The following EFCAB6 variants were observed in gnomAD, a reference collection of about 807,000 sequenced individuals.
The protein encoded by EFCAB6 is EF-hand calcium binding domain 6, also known as EF-hand calcium-binding domain-containing protein 6.
In EFCAB6, 156 loss-of-function variants were observed where a neutral mutation model predicts 169.8. That is an observed-to-expected ratio of 0.92 (90% confidence interval 0.81 to 1.05). EFCAB6 has a LOEUF of 1.05. EFCAB6 is among the 50% of genes least tolerant of loss of function. EFCAB6 has a pLI of 0.00. For missense variants in EFCAB6, 1,800 were observed against 1,829.1 expected, an observed-to-expected ratio of 0.98 and a Z score of 0.29; for synonymous variants, 698 against 676.4, an observed-to-expected ratio of 1.03 and a Z score of -0.50.
At position 43,572,847 on chromosome 22, in the gene EFCAB6, C is replaced by T. The variant is rs1457018775; in HGVS notation, c.3420+3450G>A. Among the ~76,000 whole-genome samples, 1 of 152,232 alleles carries T rather than the reference C, an allele frequency of 6.6e-6. No homozygotes were observed. The highest frequency in any genetic ancestry group is 2.4e-5 in the African/African-American group (1 of 41,454). On this transcript the variant is annotated intron_variant, in intron 26 of 31. Coordinates refer to ENST00000262726, the MANE Select transcript of EFCAB6 (RefSeq NM_022785.4). The surrounding 1 kb of genome is among the most constrained non-coding windows in gnomAD (Gnocchi z 4.0). ...TGCATTTGTTTACTTTGCTGCTAAACCTGGCACCCAGCTCAGCGCCTGGTA... is the reference window on the plus strand; with the variant it reads ...TGCATTTGTTTACTTTGCTGCTAAATCTGGCACCCAGCTCAGCGCCTGGTA...
At chr22:43,674,888 T>C (rs116802) in intron 13 of EFCAB6, among the ~76,000 whole-genome samples, 82,552 of 151,678 alleles carry the variant, frequency 0.54, 22,823 homozygotes, top group East Asian at 0.77. Flanking sequence ...CTACCCTGGC[T>C]GGCTGCTCAC....
At chr22:43,752,785 T>C (rs912303111) in intron 6 of EFCAB6, among the ~76,000 whole-genome samples, 2 of 152,170 alleles carry the variant, frequency 1.3e-5, no homozygotes, top group Admixed American at 6.5e-5. Context: ...CCTGACTTCT[T>C]GGGTGAGATA....
intron 7 of EFCAB6, among the ~76,000 whole-genome samples, chr22:43,733,713 C>T (rs541661437): frequency 8.5e-5 from 13 of 152,090 alleles, no homozygotes; most frequent in African/African-American, 3.1e-4. Flanking sequence ...TGCTCAGTCC[C>T]CCCTTTTTTT....
chr22:43,689,912 G>C (rs2058343288), intron 10 of EFCAB6, among the ~76,000 whole-genome samples: 1 of 152,132 alleles, frequency 6.6e-6, no homozygotes, highest in South Asian at 2.1e-4. Flanking sequence ...GACAAACCTG[G>C]AAAAGCAAGA....
intron 2 of EFCAB6, among the ~76,000 whole-genome samples, chr22:43,796,578 G>GA (rs2062516869): frequency 6.6e-6 from 1 of 151,984 alleles, no homozygotes; most frequent in African/African-American, 2.4e-5. Flanking sequence ...CGGCAACCGA[G>GA]AAAAAACAAG....
chr22:43,704,305 C>A (rs959195310), intron 10 of EFCAB6, among the ~76,000 whole-genome samples: 1 of 152,014 alleles, frequency 6.6e-6, no homozygotes, highest in Non-Finnish European at 1.5e-5. Flanking sequence ...TAAAAACTCT[C>A]CCAGACATAC....
At chr22:43,729,172 G>T (rs114892263) in intron 8 of EFCAB6, among the ~76,000 whole-genome samples, 1 of 152,150 alleles carries the variant, frequency 6.6e-6, no homozygotes, top group Non-Finnish European at 1.5e-5. Context: ...CATTACCATG[G>T]GGAGGGCACC....
chr22:43,621,562 C>T (rs906993988), intron 20 of EFCAB6, among the ~76,000 whole-genome samples: 3 of 151,884 alleles, frequency 2.0e-5, no homozygotes, highest in Non-Finnish European at 2.9e-5. Context: ...TCAGTGCCTA[C>T]GGGGAAATAC....
intron 2 of EFCAB6, among the ~76,000 whole-genome samples, chr22:43,783,142 A>C (rs1245008558): frequency 1.3e-5 from 2 of 152,220 alleles, no homozygotes; most frequent in African/African-American, 4.8e-5. Context: ...ATTTGAACTC[A>C]GAGTTCACTC....
chr22:43,587,591 T>C (rs542595411), intron 24 of EFCAB6, among the ~76,000 whole-genome samples: 11 of 152,214 alleles, frequency 7.2e-5, no homozygotes, highest in African/African-American at 2.4e-4. Flanking sequence ...TCTCTTTGTC[T>C]GTGTCAAATC....
rs1193976409 is a variant in EFCAB6 at position 43,537,979 on chromosome 22, C to T, written c.3880-434G>A. Among the ~76,000 whole-genome samples the T allele has an allele frequency of 1.3e-5, 2 of 152,200 alleles. No individual in the cohort carries two copies. The highest frequency in any genetic ancestry group is 2.9e-5 in the Non-Finnish European group (2 of 68,034). On this transcript the variant is annotated intron_variant, in intron 28 of 31. Transcript: ENST00000262726. This position sits in a 1 kb window ranked among gnomAD's most constrained non-coding sequence, Gnocchi z 4.3. ...TCTGTTATTTAGACATTATGTGGAT[C>T]AAGTACGAGGCTGTTCTTTGCTTTA...
At chr22:43,644,119 T>C (rs1218919127) in intron 17 of EFCAB6, among the ~76,000 whole-genome samples, 2 of 151,950 alleles carry the variant, frequency 1.3e-5, no homozygotes, top group Non-Finnish European at 2.9e-5. Flanking sequence ...TGCGTGCGGG[T>C]TGACTGGGCT....
At chr22:43,545,972 A>C (rs1456170957) in intron 27 of EFCAB6, among the ~76,000 whole-genome samples, 1 of 146,116 alleles carries the variant, frequency 6.8e-6, no homozygotes, top group African/African-American at 2.8e-5. Flanking sequence ...AGTCACCATA[A>C]ACATGAGTTG....
At chr22:43,802,471 C>T in intron 2 of EFCAB6, 1 of 232,156 alleles carries the variant, frequency 4.3e-6, no homozygotes. Flanking sequence ...GCAGAGGTTG[C>T]AGTGAGCCTA....
chr22:43,685,674 A>C (rs1282693201), intron 11 of EFCAB6, among the ~76,000 whole-genome samples: 1 of 152,194 alleles, frequency 6.6e-6, no homozygotes, highest in Non-Finnish European at 1.5e-5. Flanking sequence ...TGATCTTGCA[A>C]AAGACTTAGG....
At chr22:43,713,049 A>T (rs2059215438) in intron 9 of EFCAB6, among the ~76,000 whole-genome samples, 1 of 152,134 alleles carries the variant, frequency 6.6e-6, no homozygotes. Flanking sequence ...CAGTACATCC[A>T]TTTTCCATCT....
chr22:43,777,996 C>A (rs2061693940), intron 3 of EFCAB6, among the ~76,000 whole-genome samples: 1 of 152,092 alleles, frequency 6.6e-6, no homozygotes, highest in Non-Finnish European at 1.5e-5. Flanking sequence ...GTCACCCTAA[C>A]AATGAGAACA....
intron 4 of EFCAB6, among the ~76,000 whole-genome samples, chr22:43,771,915 G>A (rs975587015): frequency 4.6e-5 from 7 of 152,246 alleles, no homozygotes; most frequent in Admixed American, 3.3e-4. Flanking sequence ...CCAGGTCCCT[G>A]AGTAAGCATG....
At chr22:43,726,837 T>C (rs992197455) in intron 8 of EFCAB6, among the ~76,000 whole-genome samples, 2 of 152,170 alleles carry the variant, frequency 1.3e-5, no homozygotes, top group Admixed American at 6.5e-5. Context: ...GAGGACAAAG[T>C]TTAGAGTCTG....
Sources: allele counts gnomAD v4.1 joint callset (sites outside exome capture counted in the v4.1 genomes callset), GRCh38; gene constraint gnomAD v4.1.1; non-coding constraint Gnocchi (gnomAD v3.1); transcripts MANE v1.5; gene names NCBI Gene and HGNC (gene_info 2026-07-23, HGNC 2026-07-21).